RSAD2: variants seen among roughly 807,000 people sequenced by gnomAD.
RSAD2 encodes the protein S-adenosylmethionine-dependent nucleotide dehydratase RSAD2.
A neutral mutation model predicts 37.7 loss-of-function variants in RSAD2; 38 were observed. That is an observed-to-expected ratio of 1.01 (90% CI 0.78 to 1.32). RSAD2 has a LOEUF of 1.32. RSAD2 is among the 40% of genes most tolerant of loss of function. RSAD2 has a pLI of 0.00. For missense variants in RSAD2, 428 were observed against 437.5 expected, an observed-to-expected ratio of 0.98 and a Z score of 0.19; for synonymous variants, 163 against 157.4, an observed-to-expected ratio of 1.04 and a Z score of -0.27.
rs183805442 is a variant in RSAD2, at chr2:6,897,600, A to T, written c.*1658A>T. The T allele has an allele frequency of 6.6e-6, 1 of 152,348 alleles. No homozygotes were observed. The highest frequency in any genetic ancestry group is 1.5e-5 in the Non-Finnish European group (1 of 68,030). 9.4% of individuals were successfully genotyped at this position (152,348 alleles called of 1,614,324 possible). On this transcript the variant is annotated 3_prime_UTR_variant, in exon 6 of 6. Transcript: ENST00000382040. Reference sequence around the variant, plus strand: ...ACTTTTTTTGTAAGAAAAGAGAAAAATGAATTCTAAAGATGTTCCCCATGG... The same window carrying T: ...ACTTTTTTTGTAAGAAAAGAGAAAATTGAATTCTAAAGATGTTCCCCATGG...
chr2:6,886,705 G>C (rs1346899477), intron 2 of RSAD2, among the ~76,000 whole-genome samples: 2 of 152,130 alleles, frequency 1.3e-5, no homozygotes, highest in Non-Finnish European at 2.9e-5. Flanking sequence ...CATGTGTAGA[G>C]TTTTCAAATA....
At chr2:6,866,193 A>G (rs186154543) in intron 1 of RSAD2, 47 of 184,164 alleles carry the variant, frequency 2.6e-4, no homozygotes, top group Non-Finnish European at 4.5e-4. Flanking sequence ...GGGCTCTTCA[A>G]CGCCCACTTG....
chr2:6,875,486 A>T (rs1021135392), upstream of RSAD2, among the ~76,000 whole-genome samples: 3 of 152,162 alleles, frequency 2.0e-5, no homozygotes, highest in African/African-American at 7.2e-5. Flanking sequence ...ATTCATCCAG[A>T]TGGTTGGGGT....
intron 1 of RSAD2, among the ~76,000 whole-genome samples, chr2:6,871,279 T>C (rs1395378443): frequency 3.3e-5 from 5 of 152,246 alleles, no homozygotes; most frequent in African/African-American, 9.6e-5. Context: ...ACCTGTCTTC[T>C]GCACCTTTCT....
intron 2 of RSAD2, 122 bp from the exon 3 acceptor site, chr2:6,886,813 G>A: frequency 1.5e-6 from 1 of 666,706 alleles, no homozygotes. Context: ...GAGTTTTGTG[G>A]GTATAAGGAA....
chr2:6,893,020 T>G (rs971339270), intron 4 of RSAD2, among the ~76,000 whole-genome samples: 1 of 152,260 alleles, frequency 6.6e-6, no homozygotes, highest in Non-Finnish European at 1.5e-5. Flanking sequence ...GATTTTGGGC[T>G]GCAAAGCACA....
intron 2 of RSAD2, among the ~76,000 whole-genome samples, chr2:6,885,456 A>G (rs1663499342): frequency 6.6e-6 from 1 of 152,176 alleles, no homozygotes; most frequent in African/African-American, 2.4e-5. Flanking sequence ...AACATGCCCC[A>G]TTGCTCCAGG....
chr2:6,893,974 A>G (rs1161148611), intron 5 of RSAD2, among the ~76,000 whole-genome samples: 3 of 152,226 alleles, frequency 2.0e-5, no homozygotes, highest in African/African-American at 7.2e-5. Flanking sequence ...CCATGTAACT[A>G]TGCATCCGTG....
chr2:6,890,084 A>G, intron 3 of RSAD2, 92 bp from the exon 4 acceptor site: 2 of 1,241,702 alleles, frequency 1.6e-6, no homozygotes, highest in South Asian at 1.4e-5. Flanking sequence ...CTCTTTGCTC[A>G]GAAGAGATGA....
intron 3 of RSAD2, among the ~76,000 whole-genome samples, chr2:6,889,258 T>A (rs1268158693): frequency 6.6e-6 from 1 of 152,118 alleles, no homozygotes; most frequent in Non-Finnish European, 1.5e-5. Flanking sequence ...TGAGGATGGG[T>A]GACAACCCCT....
chr2:6,896,436 C>T lies in RSAD2; in HGVS notation c.*494C>T, dbSNP rs1466201239. 1 of 152,132 alleles carries T rather than the reference C, an allele frequency of 6.6e-6. No individual in the cohort carries two copies. The highest frequency in any genetic ancestry group is 6.5e-5 in the Admixed American group (1 of 15,274). The allele number at this position is 152,132 out of a possible 1,614,324, so 9.4% of individuals were successfully genotyped here. A position where few individuals can be genotyped will look rare whatever the true frequency, so the allele number is the denominator to read the frequency against. On this transcript the variant is annotated 3_prime_UTR_variant, in exon 6 of 6. Coordinates refer to ENST00000382040, the MANE Select transcript of RSAD2 (RefSeq NM_080657.5). The stretch of plus-strand genomic sequence containing the variant: ...TCTTGTTCCAGGTTTGTTCATTTGA[C>T]AGAGTCAGTATTTTTTGCCAAATAT...
intron 1 of RSAD2, among the ~76,000 whole-genome samples, chr2:6,868,244 TAATA>T (rs1266860815): frequency 1.3e-5 from 2 of 152,056 alleles, no homozygotes; most frequent in African/African-American, 4.8e-5. Context: ...AAATAGCAAT[TAATA>T]AATAATAAAA....
At chr2:6,870,225 A>C (rs1318872911) in intron 1 of RSAD2, among the ~76,000 whole-genome samples, 1 of 152,214 alleles carries the variant, frequency 6.6e-6, no homozygotes, top group Non-Finnish European at 1.5e-5. Context: ...TTTTGTTCAC[A>C]TTTATAGTGT....
chr2:6,880,678 G>A (rs1663380458), intron 1 of RSAD2, among the ~76,000 whole-genome samples: 1 of 152,096 alleles, frequency 6.6e-6, no homozygotes, highest in Admixed American at 6.5e-5. Context: ...GTGGTTAGAA[G>A]ATAAGTGATT....
upstream of RSAD2, among the ~76,000 whole-genome samples, chr2:6,874,805 C>T (rs1367380196): frequency 1.3e-5 from 2 of 151,876 alleles, no homozygotes; most frequent in African/African-American, 2.4e-5. Context: ...TACTTGAGTC[C>T]TCCAAAATTC....
At chr2:6,877,385 G>A (rs1663303464), upstream of RSAD2, 1 of 171,798 alleles carries the variant, frequency 5.8e-6, no homozygotes, top group African/African-American at 2.4e-5. Flanking sequence ...CACCATGATG[G>A]AGCAAAAACT....
At chr2:6,886,101 A>C (rs1357601289) in intron 2 of RSAD2, among the ~76,000 whole-genome samples, 1 of 152,226 alleles carries the variant, frequency 6.6e-6, no homozygotes, top group African/African-American at 2.4e-5. Context: ...GTCGACTCTT[A>C]AAAAGTCACA....
rs185273751 is a variant in RSAD2, at chr2:6,896,245, A to T, written c.*303A>T. 4.6e-4 allele frequency: 114 copies of T among 247,174 alleles called. No individual in the cohort carries two copies. The highest frequency in any genetic ancestry group is 2.4e-3 in the African/African-American group (110 of 45,448). 15.3% of individuals were successfully genotyped at this position (247,174 alleles called of 1,614,324 possible). A position where few individuals can be genotyped will look rare whatever the true frequency, so the allele number is the denominator to read the frequency against. On this transcript the variant is annotated 3_prime_UTR_variant, in exon 6 of 6. Transcript: ENST00000382040. Reference sequence around the variant, plus strand: ...GAATACACACAGGAATAATGACCCCAAAAATGCTTAGATAAGGCCCCTATA... The same window carrying T: ...GAATACACACAGGAATAATGACCCCTAAAATGCTTAGATAAGGCCCCTATA...
rs1395473994 is a variant in RSAD2, at chr2:6,897,429, AT to A, written c.*1489del. Reference sequence around the variant, plus strand: ...CATAATCTATTTTCAAGACTTGGTGATTCTGAAAGTTTTGGTTTTTGTGACT... The same window carrying A: ...CATAATCTATTTTCAAGACTTGGTGATCTGAAAGTTTTGGTTTTTGTGACT... On this transcript the variant is annotated 3_prime_UTR_variant, in exon 6 of 6. Coordinates refer to ENST00000382040, the MANE Select transcript of RSAD2 (RefSeq NM_080657.5). 1 of 152,174 alleles carries A rather than the reference AT, an allele frequency of 6.6e-6. No homozygotes were observed. The highest frequency in any genetic ancestry group is 1.5e-5 in the Non-Finnish European group (1 of 68,026). The allele number at this position is 152,174 out of a possible 1,614,324, so 9.4% of individuals were successfully genotyped here. A position where few individuals can be genotyped will look rare whatever the true frequency, so the allele number is the denominator to read the frequency against.
Sources: gnomAD v4.1 joint callset for allele counts (sites outside exome capture counted in the v4.1 genomes callset) on GRCh38, gnomAD v4.1.1 for gene constraint, MANE v1.5 for transcripts, NCBI Gene and HGNC (gene_info 2026-07-23, HGNC 2026-07-21) for gene names.